The following BCL6 variants were observed in gnomAD, a reference collection of about 807,000 sequenced individuals.
BCL6 encodes BCL6 transcription repressor.
In BCL6, 7 loss-of-function variants were observed where a neutral mutation model predicts 59.5. The observed-to-expected ratio is 0.12, with a 90% CI of 0.07 to 0.22. The LOEUF is 0.22. Ranked by LOEUF, BCL6 falls within the 10% of genes least tolerant of loss-of-function variation. The pLI is 1.00. For missense variants in BCL6, 685 were observed against 939.4 expected, an observed-to-expected ratio of 0.73 and a Z score of 3.54; for synonymous variants, 339 against 349.7, an observed-to-expected ratio of 0.97 and a Z score of 0.34.
chr3:187,724,757 T>A, intron 9 of BCL6, 184 bp downstream of exon 9: 2 of 802,762 alleles, frequency 2.5e-6, no homozygotes, highest in Non-Finnish European at 3.8e-6. Flanking sequence ...AAGCAGGGTG[T>A]CTGGCCATTG....
chr3:187,728,916 C>A, intron 5 of BCL6, 134 bp downstream of exon 5: 1 of 1,248,396 alleles, frequency 8.0e-7, no homozygotes, highest in African/African-American at 1.5e-5. Flanking sequence ...CTTCCTTACT[C>A]AGACTAACTC....
At chr3:187,737,833 C>G (rs1279406540) in intron 1 of BCL6, 1 of 142,036 alleles carries the variant, frequency 7.0e-6, no homozygotes. Flanking sequence ...CTCTCATTCC[C>G]GGAACGTAGT....
At chr3:187,740,714 A>G (rs1319211486) in intron 1 of BCL6, among the ~76,000 whole-genome samples, 2 of 152,220 alleles carry the variant, frequency 1.3e-5, no homozygotes, top group Non-Finnish European at 2.9e-5. Flanking sequence ...TGTACGTCCC[A>G]AAGCCCCTGA....
At position 187,731,724 on chromosome 3, in the gene BCL6, T is replaced by C. The variant is rs773775457; in HGVS notation, c.368A>G (p.Lys123Arg). 3.8e-5 allele frequency: 62 copies of C among 1,614,084 alleles called. No individual in the cohort carries two copies. Among genetic ancestry groups the C allele is most frequent in the Non-Finnish European group, 5.3e-5 (62 of 1,180,030 alleles). Residue 123 changes from lysine to arginine, a missense_variant, in exon 4 of 10, where the codon AAG becomes AGG. Physicochemically the swap from Lys to Arg is conservative, Grantham distance 26. Around this residue, in one of 7 missense-constraint regions of BCL6, gnomAD observed 102 missense variants for 176.6 expected, o/e 0.58. Transcript: ENST00000406870. ...QMEHVVDTCR[K>R]FIKASEAEMV... ...AGCAACTCACCTGGCCTTAATAAAC[T>C]TCCGGCAAGTGTCCACAACATGCTC...
intron 1 of BCL6, among the ~76,000 whole-genome samples, chr3:187,744,761 A>C (rs541916147): frequency 6.6e-6 from 1 of 152,240 alleles, no homozygotes; most frequent in African/African-American, 2.4e-5. Context: ...GGGAAGGAAG[A>C]AGAGGCGAGG....
chr3:187,740,290 G>A (rs1384710358), intron 1 of BCL6, among the ~76,000 whole-genome samples: 1 of 152,096 alleles, frequency 6.6e-6, no homozygotes, highest in Admixed American at 6.5e-5. Context: ...GGAAGGGGAA[G>A]AGAGCGATTT....
intron 1 of BCL6, among the ~76,000 whole-genome samples, chr3:187,738,131 T>C (rs1719378264): frequency 6.6e-6 from 1 of 152,136 alleles, no homozygotes; most frequent in Non-Finnish European, 1.5e-5. Context: ...GTCAGACAAG[T>C]TAGTAGCAGA....
At chr3:187,745,043 C>A (rs138980741) in intron 1 of BCL6, among the ~76,000 whole-genome samples, 4 of 152,092 alleles carry the variant, frequency 2.6e-5, no homozygotes, top group South Asian at 4.2e-4. Context: ...TCTCCTCCAC[C>A]TCCTTTCCAA....
chr3:187,740,627 C>G (rs1435989623), intron 1 of BCL6, among the ~76,000 whole-genome samples: 1 of 152,162 alleles, frequency 6.6e-6, no homozygotes, highest in African/African-American at 2.4e-5. Flanking sequence ...AGCTTAAAAT[C>G]TGGTCCTGGT....
In BCL6 at chr3:187,725,241, G is replaced by T. The variant is rs570767731; in HGVS notation, c.1840-163C>A. ...TTTCTGCTGCCCACTCTGCTCACCT[G>T]CCCACTCCTCTGCTCACCTGCCCAC... On this transcript the variant is annotated intron_variant, in intron 8 of 9. Coordinates refer to ENST00000406870, the MANE Select transcript of BCL6 (RefSeq NM_001706.5). This position sits in a 1 kb window ranked among gnomAD's most constrained non-coding sequence, Gnocchi z 4.7. Among the ~76,000 whole-genome samples the T allele has an allele frequency of 2.0e-4, 30 of 152,002 alleles. No homozygotes were observed. Among genetic ancestry groups the T allele is most frequent in the African/African-American group, 7.0e-4 (29 of 41,464 alleles).
At chr3:187,743,400 A>G (rs530876457) in intron 1 of BCL6, among the ~76,000 whole-genome samples, 2 of 152,058 alleles carry the variant, frequency 1.3e-5, no homozygotes, top group South Asian at 4.1e-4. Flanking sequence ...GGGCCCTGTG[A>G]CAGCTTGGGA....
Position 187,725,208 on chromosome 3 carries a change from A to C in BCL6, c.1840-130T>G. On this transcript the variant is annotated intron_variant, in intron 8 of 9. Coordinates refer to ENST00000406870, the MANE Select transcript of BCL6 (RefSeq NM_001706.5). The surrounding 1 kb of genome is among the most constrained non-coding windows in gnomAD (Gnocchi z 4.7). ...TCTGCTCACCTGCACACAGGGACTG[A>C]GTGGGCCTTTCTGCTGCCCACTCTG... 7.1e-7 allele frequency: 1 copy of C among 1,399,692 alleles called. No homozygotes were observed. The highest frequency in any genetic ancestry group is 9.8e-7 in the Non-Finnish European group (1 of 1,020,248). 86.7% of individuals were successfully genotyped at this position (1,399,692 alleles called of 1,614,324 possible). A position where few individuals can be genotyped will look rare whatever the true frequency, so the allele number is the denominator to read the frequency against.
chr3:187,725,417 C>G lies in BCL6; in HGVS notation c.1839+82G>C, dbSNP rs1579804611. 4 of 1,575,084 alleles carry G rather than the reference C, an allele frequency of 2.5e-6. No individual in the cohort carries two copies. The highest frequency in any genetic ancestry group is 1.7e-5 in the Admixed American group (1 of 57,258). ...TGCCCGCTCCACTTGCCTGCCCACTCCTCCGCTTGCCTGCCCACTCCTCCG... is the reference window on the plus strand; with the variant it reads ...TGCCCGCTCCACTTGCCTGCCCACTGCTCCGCTTGCCTGCCCACTCCTCCG... On this transcript the variant is annotated intron_variant, in intron 8 of 9. Transcript: ENST00000406870. This position sits in a 1 kb window ranked among gnomAD's most constrained non-coding sequence, Gnocchi z 4.7.
In BCL6 at chr3:187,727,565, C is replaced by T. The variant is rs141757110; in HGVS notation, c.1541-667G>A. ...CCGAAGCTGATGGTGGAAGTGGGAA[C>T]AGAGGCCCAGAGAAAAAGAACTGGA... On this transcript the variant is annotated intron_variant, in intron 6 of 9. Coordinates refer to ENST00000406870, the MANE Select transcript of BCL6 (RefSeq NM_001706.5). Among the ~76,000 whole-genome samples, 746 of 152,314 alleles carry T rather than the reference C, an allele frequency of 4.9e-3. 3 individuals are homozygous for T. Among genetic ancestry groups the T allele is most frequent in the Non-Finnish European group, 8.2e-3 (555 of 68,040 alleles).
At chr3:187,744,902 G>A (rs546784561) in intron 1 of BCL6, among the ~76,000 whole-genome samples, 6 of 152,136 alleles carry the variant, frequency 3.9e-5, no homozygotes, top group South Asian at 4.2e-4. Flanking sequence ...AGCAGCAGCA[G>A]AAAGAGCGAG....
At chr3:187,744,653 A>G (rs1711804524) in intron 1 of BCL6, among the ~76,000 whole-genome samples, 1 of 152,110 alleles carries the variant, frequency 6.6e-6, no homozygotes, top group Admixed American at 6.5e-5. Flanking sequence ...GAAGGCAGGG[A>G]ATCTAAAAGA....
chr3:187,725,913 A>G lies in BCL6; in HGVS notation c.1709-284T>C, dbSNP rs767237167. On this transcript the variant is annotated intron_variant, in intron 7 of 9. Transcript: ENST00000406870. The surrounding 1 kb of genome is among the most constrained non-coding windows in gnomAD (Gnocchi z 4.7). ...GTGGGATAGGAGAGGGGGAGATTCCAGGAAGCCTGGGCTTTAGAACCAGCT... is the reference window on the plus strand; with the variant it reads ...GTGGGATAGGAGAGGGGGAGATTCCGGGAAGCCTGGGCTTTAGAACCAGCT... Among the ~76,000 whole-genome samples the G allele has an allele frequency of 8.5e-5, 13 of 152,206 alleles. No individual in the cohort carries two copies. Among genetic ancestry groups the G allele is most frequent in the Admixed American group, 6.5e-5 (1 of 15,290 alleles).
intron 1 of BCL6, among the ~76,000 whole-genome samples, chr3:187,742,080 T>C (rs1418684259): frequency 2.0e-5 from 3 of 152,204 alleles, no homozygotes; most frequent in Non-Finnish European, 4.4e-5. Flanking sequence ...GTCCTTTTTA[T>C]CCGTTAGTTT....
chr3:187,721,557 G>C lies in BCL6; in HGVS notation c.*901C>G, dbSNP rs1418603769. On this transcript the variant is annotated 3_prime_UTR_variant, in exon 10 of 10. Transcript: ENST00000406870. The surrounding 1 kb of genome is among the most constrained non-coding windows in gnomAD (Gnocchi z 4.2). ...TAGTTAGTAACAACTTCAAGTCCCT[G>C]TGTCTGCCTACACTTCAAAAAGGGA... 4.3e-6 allele frequency: 1 copy of C among 233,292 alleles called. No individual in the cohort carries two copies. The highest frequency in any genetic ancestry group is 2.2e-5 in the African/African-American group (1 of 45,318). The allele number at this position is 233,292 out of a possible 1,614,324, so 14.5% of individuals were successfully genotyped here. A position where few individuals can be genotyped will look rare whatever the true frequency, so the allele number is the denominator to read the frequency against.
Sources: allele counts gnomAD v4.1 joint callset (sites outside exome capture counted in the v4.1 genomes callset), GRCh38; gene constraint gnomAD v4.1.1; regional missense constraint gnomAD v4.1.1; non-coding constraint Gnocchi (gnomAD v3.1); transcripts MANE v1.5; gene names NCBI Gene and HGNC (gene_info 2026-07-23, HGNC 2026-07-21).